Variants in CACNA2D3 observed in about 807,000 individuals in gnomAD.
The protein encoded by CACNA2D3 is voltage-dependent calcium channel subunit alpha-2/delta-3.
Under a neutral mutation model 160.6 loss-of-function variants are expected in CACNA2D3, and 60 were observed. That is an observed-to-expected ratio of 0.37 (90% CI 0.30 to 0.46). The LOEUF is 0.46. Ranked by LOEUF, CACNA2D3 falls within the 20% of genes least tolerant of loss-of-function variation. The pLI is 1.00. For missense variants in CACNA2D3, 1,205 were observed against 1,365.0 expected, an observed-to-expected ratio of 0.88 and a Z score of 1.85; for synonymous variants, 558 against 492.9, an observed-to-expected ratio of 1.13 and a Z score of -1.75.
intron 11 of CACNA2D3, among the ~76,000 whole-genome samples, chr3:54,657,245 A>T (rs1362229627): frequency 6.6e-6 from 1 of 152,184 alleles, no homozygotes; most frequent in Non-Finnish European, 1.5e-5. Context: ...CTGGATGTGT[A>T]CGTGCAGGTC....
At chr3:54,737,366 G>T (rs13340103) in intron 11 of CACNA2D3, among the ~76,000 whole-genome samples, 2 of 152,068 alleles carry the variant, frequency 1.3e-5, no homozygotes, top group African/African-American at 4.8e-5. Flanking sequence ...TTTGGAGGTG[G>T]AAAGTTCAAT....
chr3:54,581,813 A>C lies in CACNA2D3; in HGVS notation c.899A>C (p.Glu300Ala), dbSNP rs1284913294. Residue 300 changes from glutamate to alanine, a missense_variant, in exon 9 of 38, where the codon GAG (glutamate) becomes GCG (alanine). Coordinates refer to ENST00000474759, the MANE Select transcript of CACNA2D3 (RefSeq NM_018398.3). ...TTTTTTCCTTTGCAGTATAATGAGGAGCTTCACTATGTGGAACCTTGCCTG... is the reference window on the plus strand; with the variant it reads ...TTTTTTCCTTTGCAGTATAATGAGGCGCTTCACTATGTGGAACCTTGCCTG... ...DFFNIIAYNE[E>A]LHYVEPCLNG... is the part of the protein sequence containing the mutation. 1.9e-6 allele frequency: 3 copies of C among 1,613,306 alleles called. No homozygotes were observed. Among genetic ancestry groups the C allele is most frequent in the African/African-American group, 2.7e-5 (2 of 74,880 alleles).
intron 8 of CACNA2D3, among the ~76,000 whole-genome samples, chr3:54,578,714 C>T (rs72868812): frequency 0.029 from 4,345 of 152,282 alleles, 178 homozygotes; most frequent in African/African-American, 0.098. Context: ...TTCTGAAGAG[C>T]GGATTCTTCC....
At chr3:54,645,604 T>C (rs958731425) in intron 11 of CACNA2D3, among the ~76,000 whole-genome samples, 2 of 152,154 alleles carry the variant, frequency 1.3e-5, no homozygotes, top group Non-Finnish European at 2.9e-5. Flanking sequence ...GGTGTGGAGT[T>C]CCTGACCACT....
chr3:54,392,869 A>G (rs1699305631), intron 4 of CACNA2D3, among the ~76,000 whole-genome samples: 1 of 152,170 alleles, frequency 6.6e-6, no homozygotes, highest in South Asian at 2.1e-4. Context: ...ATCCACTAGG[A>G]AAAGGAAGCC....
chr3:54,603,939 C>CT (rs1703112191), intron 9 of CACNA2D3, among the ~76,000 whole-genome samples: 1 of 152,060 alleles, frequency 6.6e-6, no homozygotes, highest in Non-Finnish European at 1.5e-5. Context: ...TGGGATAGCC[C>CT]TTACAGACCC....
At chr3:54,986,253 A>T (rs1225768800) in intron 30 of CACNA2D3, among the ~76,000 whole-genome samples, 1 of 152,158 alleles carries the variant, frequency 6.6e-6, no homozygotes, top group African/African-American at 2.4e-5. Context: ...ATGAGCAGCC[A>T]TGGCCACTAC....
chr3:54,546,523 A>G (rs928149860), intron 5 of CACNA2D3, among the ~76,000 whole-genome samples: 1 of 152,184 alleles, frequency 6.6e-6, no homozygotes. Flanking sequence ...GAGCATGCAG[A>G]ATGCCCGCAG....
chr3:54,185,196 C>T (rs1700859630), intron 2 of CACNA2D3, among the ~76,000 whole-genome samples: 1 of 152,180 alleles, frequency 6.6e-6, no homozygotes, highest in Non-Finnish European at 1.5e-5. Context: ...TTCTAAATGG[C>T]TTATAGAAGT....
At chr3:54,541,934 G>T (rs1319112910) in intron 5 of CACNA2D3, among the ~76,000 whole-genome samples, 1 of 149,134 alleles carries the variant, frequency 6.7e-6, no homozygotes, top group Non-Finnish European at 1.5e-5. Context: ...AAGGGTGTGT[G>T]TGGGTTTTTT....
Position 55,074,171 on chromosome 3 carries a change from CTGCTCCCTCTGCTTTTGA to C in CACNA2D3, c.3247_3264del (p.Pro1083_Leu1088del). The C allele has an allele frequency of 6.2e-7, 1 of 1,613,808 alleles. No homozygotes were observed. The highest frequency in any genetic ancestry group is 8.5e-7 in the Non-Finnish European group (1 of 1,179,760). On this transcript the variant is annotated inframe_deletion, in exon 38 of 38. Transcript: ENST00000474759. ...TCTCCAAGCCCAGACAGTCCTCCTT[CTGCTCCCTCTGCTTTTGA>C]TGCTCTTCTCAAGGTGACACTGACT... is the stretch of plus-strand genomic sequence containing the variant.
chr3:54,587,017 C>A (rs1442476200), intron 9 of CACNA2D3, among the ~76,000 whole-genome samples: 1 of 151,738 alleles, frequency 6.6e-6, no homozygotes, highest in Non-Finnish European at 1.5e-5. Flanking sequence ...AAAGCTATAG[C>A]AATGTTAGGG....
chr3:54,994,662 C>T (rs1702817256), intron 31 of CACNA2D3, among the ~76,000 whole-genome samples: 1 of 152,200 alleles, frequency 6.6e-6, no homozygotes, highest in South Asian at 2.1e-4. Context: ...TTATTCCAGG[C>T]AGTTAACATG....
At chr3:54,725,915 C>A (rs890553572) in intron 11 of CACNA2D3, among the ~76,000 whole-genome samples, 2 of 152,060 alleles carry the variant, frequency 1.3e-5, no homozygotes, top group African/African-American at 4.8e-5. Flanking sequence ...CTGGCTAGGG[C>A]AATCAGGCAA....
At chr3:54,482,107 A>T (rs1410388794) in intron 4 of CACNA2D3, among the ~76,000 whole-genome samples, 1 of 152,234 alleles carries the variant, frequency 6.6e-6, no homozygotes, top group African/African-American at 2.4e-5. Flanking sequence ...TAACTCTCTA[A>T]CAGTGTTTCT....
At chr3:54,132,003 G>A (rs1445991092) in intron 2 of CACNA2D3, among the ~76,000 whole-genome samples, 1 of 152,190 alleles carries the variant, frequency 6.6e-6, no homozygotes, top group Non-Finnish European at 1.5e-5. Flanking sequence ...AGATGTGGGA[G>A]ACAGTAAATT....
At chr3:54,837,750 C>G (rs1698727131) in intron 15 of CACNA2D3, among the ~76,000 whole-genome samples, 1 of 152,108 alleles carries the variant, frequency 6.6e-6, no homozygotes, top group South Asian at 2.1e-4. Flanking sequence ...CAGTGTCACT[C>G]CAATCTCTGC....
chr3:54,748,873 G>A (rs1235044781), intron 11 of CACNA2D3, among the ~76,000 whole-genome samples: 1 of 152,072 alleles, frequency 6.6e-6, no homozygotes, highest in Non-Finnish European at 1.5e-5. Context: ...AATCCATTAG[G>A]GTACAGAATC....
chr3:54,929,248 G>T (rs1701118465), intron 27 of CACNA2D3, among the ~76,000 whole-genome samples: 2 of 152,124 alleles, frequency 1.3e-5, no homozygotes, highest in South Asian at 4.1e-4. Flanking sequence ...CTGTGCCCAG[G>T]ATTAAATATG....
Sources: gnomAD v4.1 joint callset for allele counts (sites outside exome capture counted in the v4.1 genomes callset) on GRCh38, gnomAD v4.1.1 for gene constraint, MANE v1.5 for transcripts, NCBI Gene and HGNC (gene_info 2026-07-23, HGNC 2026-07-21) for gene names.